CEP112: variants seen among roughly 807,000 people sequenced by gnomAD.
CEP112 encodes centrosomal protein 112, also known as centrosomal protein of 112 kDa.
A neutral mutation model predicts 153.0 loss-of-function variants in CEP112; 127 were observed. That is an observed-to-expected ratio of 0.83 (90% CI 0.72 to 0.96). The LOEUF (loss-of-function observed/expected upper bound fraction) is 0.96, where lower values mean the gene tolerates loss of function less well. Among genes scored for constraint, CEP112 ranks in the 40% least tolerant of loss-of-function variants. The pLI, the probability that CEP112 is intolerant of heterozygous loss-of-function variation, is 0.00. For missense variants in CEP112, 1,089 were observed against 1,101.2 expected (o/e 0.99, Z 0.16); for synonymous variants, 358 against 374.4 (o/e 0.96, Z 0.51).
intron 24 of CEP112, among the ~76,000 whole-genome samples, chr17:65,679,524 C>T (rs1175196204): frequency 6.6e-6 from 1 of 152,076 alleles, no homozygotes; most frequent in Non-Finnish European, 1.5e-5. Context: ...GATGAGTTAG[C>T]CAACAGCAGC....
At chr17:65,784,858 A>G (rs2054192781) in intron 21 of CEP112, among the ~76,000 whole-genome samples, 1 of 152,186 alleles carries the variant, frequency 6.6e-6, no homozygotes, top group Admixed American at 6.5e-5. Flanking sequence ...TGCACCATTC[A>G]GTGGTTTTTA....
intron 21 of CEP112, among the ~76,000 whole-genome samples, chr17:65,759,802 G>A (rs773670680): frequency 6.6e-6 from 1 of 152,088 alleles, no homozygotes; most frequent in Non-Finnish European, 1.5e-5. Flanking sequence ...TCAGAATTCT[G>A]TAGATTTCAT....
intron 21 of CEP112, among the ~76,000 whole-genome samples, chr17:65,786,745 C>T (rs193100103): frequency 1.6e-3 from 248 of 152,008 alleles, no homozygotes; most frequent in African/African-American, 5.8e-3. Flanking sequence ...CACCACCACA[C>T]CCGACGACCT....
intron 23 of CEP112, among the ~76,000 whole-genome samples, chr17:65,720,749 A>G (rs1441096868): frequency 6.6e-6 from 1 of 152,226 alleles, no homozygotes; most frequent in African/African-American, 2.4e-5. Context: ...GTAATTTAAC[A>G]GTTACATAAA....
At chr17:65,913,587 T>C in intron 19 of CEP112, 1 of 985,416 alleles carries the variant, frequency 1.0e-6, no homozygotes, top group Non-Finnish European at 1.2e-6. Flanking sequence ...CCATGAAATC[T>C]GTCAATCAAC....
Position 66,177,016 on chromosome 17 carries a change from C to A in CEP112, c.111G>T (p.Arg37=), listed in dbSNP as rs2072507367. The A allele has an allele frequency of 6.3e-7, 1 of 1,598,724 alleles. No homozygotes were observed. Among genetic ancestry groups the A allele is most frequent in the African/African-American group, 1.4e-5 (1 of 73,978 alleles). Residue 37 remains arginine, a synonymous_variant, in exon 3 of 27, where the codon CGG becomes CGT. Transcript: ENST00000535342. ...FVLKLPHRTE[R]QRCALWIRKL... ...TTCTAATCCAAAGAGCACACCTCTG[C>A]CGTTCTATAAATACAGAAGAACTAT...
chr17:65,666,985 C>T (rs563235346), intron 24 of CEP112, among the ~76,000 whole-genome samples: 1 of 152,268 alleles, frequency 6.6e-6, no homozygotes, highest in Admixed American at 6.5e-5. Context: ...CTAAGGGAAA[C>T]TTAATGCTAA....
intron 20 of CEP112, among the ~76,000 whole-genome samples, chr17:65,900,630 T>G (rs1392066080): frequency 6.6e-6 from 1 of 152,142 alleles, no homozygotes; most frequent in Non-Finnish European, 1.5e-5. Context: ...CATTATACAA[T>G]TCTACTATGC....
chr17:65,859,171 C>T (rs1339258080), intron 20 of CEP112, among the ~76,000 whole-genome samples: 2 of 152,044 alleles, frequency 1.3e-5, no homozygotes, highest in Non-Finnish European at 2.9e-5. Flanking sequence ...TGGCCAGGTG[C>T]GGTGGCTTAT....
chr17:66,183,804 C>A (rs1040587532), intron 1 of CEP112, among the ~76,000 whole-genome samples: 1 of 152,076 alleles, frequency 6.6e-6, no homozygotes, highest in African/African-American at 2.4e-5. Context: ...AAACTTCATC[C>A]TGTATATAAA....
intron 1 of CEP112, among the ~76,000 whole-genome samples, chr17:66,190,395 T>C (rs1159925903): frequency 6.6e-6 from 1 of 152,152 alleles, no homozygotes; most frequent in African/African-American, 2.4e-5. Flanking sequence ...TTCCAACTTA[T>C]CAAAAGTTTC....
chr17:66,183,225 C>T lies in CEP112; in HGVS notation c.75G>A (p.Lys25=), dbSNP rs775532189. 5.6e-6 allele frequency: 9 copies of T among 1,610,088 alleles called. No individual in the cohort carries two copies. The South Asian group carries it at 1.0e-4, about 18-fold the overall frequency. ...TATGAGGTAATTTTAGAACAAAGGG[C>T]TTCATATCAACCACAAAGTGATCAA... ...AEFDHFVVDM[K]PFVLKLPHRT... is the part of the protein sequence containing the mutation. Residue 25 remains lysine (K), a synonymous_variant, in exon 2 of 27, where the codon AAG becomes AAA. Coordinates refer to ENST00000535342, the MANE Select transcript of CEP112 (RefSeq NM_001199165.4).
In CEP112 at chr17:65,878,374, G is replaced by A. The variant is rs141148514; in HGVS notation, c.2163+23778C>T. Among the ~76,000 whole-genome samples the A allele has an allele frequency of 3.1e-3, 473 of 152,266 alleles. 1 individual carries two copies. The highest frequency in any genetic ancestry group is 0.011 in the African/African-American group (455 of 41,550). ...ATACCCCCAATGAAGCTGAAAAAAT[G>A]ATGAAGCAAATATACACATTTTTTA... On this transcript the variant is annotated intron_variant, in intron 20 of 26. Transcript: ENST00000535342.
chr17:66,017,377 C>T (rs1023401461), intron 16 of CEP112, among the ~76,000 whole-genome samples: 2 of 152,018 alleles, frequency 1.3e-5, no homozygotes, highest in African/African-American at 4.8e-5. Flanking sequence ...TAAGGGACTC[C>T]CCTCTGAGGT....
intron 23 of CEP112, among the ~76,000 whole-genome samples, chr17:65,693,247 AT>A (rs1225703493): frequency 1.3e-5 from 2 of 151,990 alleles, no homozygotes; most frequent in East Asian, 3.9e-4. Context: ...ACCCTGCCCC[AT>A]TCACTACATA....
intron 23 of CEP112, among the ~76,000 whole-genome samples, chr17:65,699,375 A>G (rs77082350): frequency 1.3e-5 from 2 of 152,210 alleles, no homozygotes; most frequent in South Asian, 2.1e-4. Flanking sequence ...CCCTTAAGCT[A>G]TATTTCCTCT....
intron 21 of CEP112, among the ~76,000 whole-genome samples, chr17:65,836,398 T>C (rs2057309073): frequency 6.6e-6 from 1 of 152,106 alleles, no homozygotes; most frequent in Non-Finnish European, 1.5e-5. Flanking sequence ...TTCAAGAAAC[T>C]CACTTCACCT....
chr17:65,848,791 T>C (rs1467929337), intron 21 of CEP112, among the ~76,000 whole-genome samples: 2 of 152,170 alleles, frequency 1.3e-5, no homozygotes, highest in Non-Finnish European at 2.9e-5. Flanking sequence ...CCTGATCGAT[T>C]TATATTTAAC....
At chr17:66,074,776 T>C (rs575326092) in intron 8 of CEP112, among the ~76,000 whole-genome samples, 3 of 150,932 alleles carry the variant, frequency 2.0e-5, no homozygotes, top group East Asian at 2.0e-4. Flanking sequence ...GGCAGGAGAA[T>C]TGCTTGAACC....
Sources: allele counts gnomAD v4.1 joint callset (sites outside exome capture counted in the v4.1 genomes callset), GRCh38; gene constraint gnomAD v4.1.1; transcripts MANE v1.5; gene names NCBI Gene and HGNC (gene_info 2026-07-23, HGNC 2026-07-21).